The following ST14 variants were observed in gnomAD, a reference collection of about 807,000 sequenced individuals.
The protein encoded by ST14 is suppressor of tumorigenicity 14 protein.
ST14 carries 40 observed loss-of-function variants against 96.5 expected under a neutral mutation model. That is an observed-to-expected ratio of 0.41 (90% CI 0.32 to 0.54). The LOEUF (loss-of-function observed/expected upper bound fraction) is 0.54. Among genes scored for constraint, ST14 ranks in the 20% least tolerant of loss-of-function variants. The pLI is 0.17. For missense variants in ST14, 1,066 were observed against 1,188.9 expected, an observed-to-expected ratio of 0.90 and a Z score of 1.52; for synonymous variants, 506 against 492.1, an observed-to-expected ratio of 1.03 and a Z score of -0.37.
chr11:130,209,995 A>G lies in ST14; in HGVS notation c.*172A>G. On this transcript the variant is annotated 3_prime_UTR_variant, in exon 19 of 19. Transcript: ENST00000278742. ...TGCCTAGAAAACCTCTCGCTTCCTC[A>G]GCCTCCAAAGTGGAGCTGGGAGGTA... is the stretch of plus-strand genomic sequence containing the variant. 3 of 794,924 alleles carry G rather than the reference A, an allele frequency of 3.8e-6. No individual in the cohort carries two copies. The highest frequency in any genetic ancestry group is 5.9e-6 in the Non-Finnish European group (3 of 512,246). 49.2% of individuals were successfully genotyped at this position (794,924 alleles called of 1,614,324 possible). A position where few individuals can be genotyped will look rare whatever the true frequency, so the allele number is the denominator to read the frequency against.
At position 130,208,659 on chromosome 11, in the gene ST14, G is replaced by A. The variant is rs779634882; in HGVS notation, c.2244G>A (p.Thr748=). ...CTGCCGGCAAGGCCATCTGGGTCAC[G>A]GGCTGGGGACACACCCAGTATGGAG... is the stretch of plus-strand genomic sequence containing the variant. ...VFPAGKAIWV[T]GWGHTQYGGT... The change falls in exon 17 of 19, where the codon ACG becomes ACA. Residue 748 remains threonine, a synonymous_variant. Coordinates refer to ENST00000278742, the MANE Select transcript of ST14 (RefSeq NM_021978.4). 1.9e-6 allele frequency: 3 copies of A among 1,613,678 alleles called. No individual in the cohort carries two copies. Among genetic ancestry groups the A allele is most frequent in the Admixed American group, 1.7e-5 (1 of 60,002 alleles).
intron 6 of ST14, 25 bp from the exon 7 acceptor site, chr11:130,190,429 G>A (rs759143373): frequency 6.2e-7 from 1 of 1,604,666 alleles, no homozygotes; most frequent in South Asian, 1.1e-5. Flanking sequence ...CCCCACACGT[G>A]CCCTCCTTCT....
At chr11:130,192,256 C>T (rs1033334477) in intron 7 of ST14, among the ~76,000 whole-genome samples, 1 of 152,194 alleles carries the variant, frequency 6.6e-6, no homozygotes, top group Admixed American at 6.5e-5. Context: ...GCTTCGTAAC[C>T]AGGACTTCTT....
intron 9 of ST14, among the ~76,000 whole-genome samples, chr11:130,195,785 G>C (rs1249319463): frequency 6.6e-6 from 1 of 151,404 alleles, no homozygotes; most frequent in Admixed American, 6.6e-5. Flanking sequence ...CCCGGGAGTC[G>C]GAGGTTGTGG....
rs1655786795 is a variant in ST14, at chr11:130,181,510, A to C, written c.82-6604A>C. On this transcript the variant is annotated intron_variant, in intron 1 of 18. Coordinates refer to ENST00000278742, the MANE Select transcript of ST14 (RefSeq NM_021978.4). This position sits in a 1 kb window ranked among gnomAD's most constrained non-coding sequence, Gnocchi z 4.1. ...GCACCTGCAAAGATGTTTACTTTTA[A>C]GAAAGAGAGACAGGAGAAGTGAAAG... 6.6e-6 allele frequency among the ~76,000 whole-genome samples: 1 copy of C among 152,224 alleles called. No homozygotes were observed. The highest frequency in any genetic ancestry group is 2.1e-4 in the South Asian group (1 of 4,832).
intron 16 of ST14, among the ~76,000 whole-genome samples, chr11:130,203,026 C>T (rs890018957): frequency 1.3e-5 from 2 of 152,158 alleles, no homozygotes; most frequent in Non-Finnish European, 2.9e-5. Flanking sequence ...ATGCCTTAAA[C>T]GTTAGAGGCT....
intron 14 of ST14, 85 bp from the exon 15 acceptor site, chr11:130,198,862 C>A (rs1351132234): frequency 6.2e-7 from 1 of 1,608,220 alleles, no homozygotes; most frequent in Non-Finnish European, 8.5e-7. Context: ...TGTGCAGGGG[C>A]CATGAGGCGC....
intron 1 of ST14, among the ~76,000 whole-genome samples, chr11:130,161,801 T>C (rs964666558): frequency 2.0e-5 from 3 of 152,206 alleles, no homozygotes; most frequent in Non-Finnish European, 4.4e-5. Context: ...CCTAGTCCCA[T>C]GGGTGAAGGG....
rs758574604 is a variant in ST14, at chr11:130,198,331, A to G, written c.1483A>G (p.Thr495Ala). ...NCSCDAGHQFTCKNKFCKPLF... is the reference protein window; with the variant it reads ...NCSCDAGHQFACKNKFCKPLF... ...AGGTTGCGACGCCGGCCACCAGTTC[A>G]CGTGCAAGAACAAGTTCTGCAAGCC... The change falls in exon 13 of 19, where the codon ACG (threonine) becomes GCG (alanine). Residue 495 changes from threonine (T) to alanine (A), a missense_variant. By Grantham distance (58) the Thr-to-Ala change is moderately conservative. Transcript: ENST00000278742. 6.2e-7 allele frequency: 1 copy of G among 1,614,152 alleles called. No homozygotes were observed. Among genetic ancestry groups the G allele is most frequent in the Non-Finnish European group, 8.5e-7 (1 of 1,180,032 alleles).
At chr11:130,202,248 T>C (rs1257010617) in intron 16 of ST14, among the ~76,000 whole-genome samples, 2 of 152,204 alleles carry the variant, frequency 1.3e-5, no homozygotes, top group East Asian at 3.9e-4. Context: ...GTGTTGATCA[T>C]CAGTCATGCT....
intron 4 of ST14, 186 bp from the exon 5 acceptor site, chr11:130,189,553 G>T: frequency 1.4e-6 from 1 of 708,746 alleles, no homozygotes; most frequent in Non-Finnish European, 2.3e-6. Context: ...GAGAGCAGAG[G>T]GCAAAGGGCA....
chr11:130,186,526 T>A (rs1953239687), intron 1 of ST14, among the ~76,000 whole-genome samples: 1 of 152,178 alleles, frequency 6.6e-6, no homozygotes, highest in Non-Finnish European at 1.5e-5. Flanking sequence ...AGAAGAGTAT[T>A]GCAGAGCTCT....
Position 130,196,454 on chromosome 11 carries a change from TC to T in ST14, c.1223+10del. 1 of 1,602,720 alleles carries T rather than the reference TC, an allele frequency of 6.2e-7. No homozygotes were observed. Among genetic ancestry groups the T allele is most frequent in the Admixed American group, 1.7e-5 (1 of 58,260 alleles). On this transcript the variant is annotated splice_region_variant and intron_variant, in intron 10 of 18. Transcript: ENST00000278742. The stretch of plus-strand genomic sequence containing the variant: ...GTGGAGATCAACGGGGAGAAGTGAG[TC>T]CCCGGGGGTATGGGGGCTGCCGGGC...
At chr11:130,191,615 G>C (rs1364726100) in intron 7 of ST14, among the ~76,000 whole-genome samples, 1 of 149,870 alleles carries the variant, frequency 6.7e-6, no homozygotes, top group Non-Finnish European at 1.5e-5. Context: ...ACTTGAACCT[G>C]GGAGGCAGAG....
At position 130,189,000 on chromosome 11, in the gene ST14, G is replaced by T; in HGVS notation, c.440+61G>T. ...CAGACTGGCTGGGAGTAGGATCGGG[G>T]TACAGTGTGTGGGGCAGGAAGCGGG... On this transcript the variant is annotated intron_variant, in intron 4 of 18. Transcript: ENST00000278742. This position sits in a 1 kb window ranked among gnomAD's most constrained non-coding sequence, Gnocchi z 5.4. 1 of 1,536,452 alleles carries T rather than the reference G, an allele frequency of 6.5e-7. No individual in the cohort carries two copies. The highest frequency in any genetic ancestry group is 8.9e-7 in the Non-Finnish European group (1 of 1,126,032).
At chr11:130,174,322 C>T (rs1175658629) in intron 1 of ST14, among the ~76,000 whole-genome samples, 9 of 152,162 alleles carry the variant, frequency 5.9e-5, no homozygotes, top group Non-Finnish European at 1.3e-4. Flanking sequence ...AGAAATATCA[C>T]GTCCAATTCT....
intron 1 of ST14, among the ~76,000 whole-genome samples, chr11:130,175,406 T>G (rs763741827): frequency 5.9e-5 from 9 of 152,054 alleles, no homozygotes; most frequent in Non-Finnish European, 1.2e-4. Context: ...TGAGATGGAG[T>G]TTTGTTCTTG....
rs930642758 is a variant in ST14 at position 130,190,162 on chromosome 11, C to A, written c.634+14C>A. 57 of 1,614,092 alleles carry A rather than the reference C, an allele frequency of 3.5e-5. No individual in the cohort carries two copies. The highest frequency in any genetic ancestry group is 4.6e-5 in the Non-Finnish European group (54 of 1,180,036). On this transcript the variant is annotated intron_variant, in intron 6 of 18. Coordinates refer to ENST00000278742, the MANE Select transcript of ST14 (RefSeq NM_021978.4). ...GGACCCAGGACAGTAAGTATCGTGC[C>A]CGCCTCCTCTTCTGGGTGGGGAAGA...
intron 1 of ST14, among the ~76,000 whole-genome samples, chr11:130,173,206 A>G (rs1213918497): frequency 1.3e-5 from 2 of 152,090 alleles, no homozygotes; most frequent in Non-Finnish European, 2.9e-5. Flanking sequence ...TTTGATTTTA[A>G]TTTCTCCACC....
Sources: gnomAD v4.1 joint callset for allele counts (sites outside exome capture counted in the v4.1 genomes callset) on GRCh38, gnomAD v4.1.1 for gene constraint, Gnocchi (gnomAD v3.1) non-coding constraint, MANE v1.5 for transcripts, NCBI Gene and HGNC (gene_info 2026-07-23, HGNC 2026-07-21) for gene names.